PCDH15: variants seen among roughly 807,000 people sequenced by gnomAD.
PCDH15 encodes the protein protocadherin-15.
A neutral mutation model predicts 178.5 loss-of-function variants in PCDH15; 129 were observed. That is an observed-to-expected ratio of 0.72 (90% CI 0.63 to 0.84). The LOEUF is 0.84. Among genes scored for constraint, PCDH15 ranks in the 40% least tolerant of loss-of-function variants. PCDH15 has a pLI of 0.00. For missense variants in PCDH15, 2,230 were observed against 2,099.9 expected (o/e 1.06, Z -1.21); for synonymous variants, 800 against 732.0 (o/e 1.09, Z -1.50).
chr10:55,595,859 A>C lies in PCDH15; in HGVS notation c.-156+31766T>G, dbSNP rs183785567. 3.8e-3 allele frequency among the ~76,000 whole-genome samples: 578 copies of C among 152,244 alleles called. 2 individuals are homozygous for C. The highest frequency in any genetic ancestry group is 0.014 in the Middle Eastern group (4 of 294). The stretch of plus-strand genomic sequence containing the variant: ...AAAAATCTCTAAAATAATTTTAGAA[A>C]TACCATTCTTCTATGAAATAAGTAA... On this transcript the variant is annotated intron_variant, in intron 2 of 5. Coordinates refer to the PCDH15 transcript ENST00000613346.
chr10:53,897,260 T>C (rs2593122), intron 26 of PCDH15, among the ~76,000 whole-genome samples: 112,704 of 152,030 alleles, frequency 0.74, 42,249 homozygotes, highest in East Asian at 1. Flanking sequence ...CACTCCCATA[T>C]TGTTGCAACT....
At chr10:55,010,818 T>G (rs2131942576) in intron 2 of PCDH15, among the ~76,000 whole-genome samples, 1 of 152,288 alleles carries the variant, frequency 6.6e-6, no homozygotes, top group East Asian at 1.9e-4. Flanking sequence ...AAGGTATTTA[T>G]ATCACAATCC....
intron 2 of PCDH15, among the ~76,000 whole-genome samples, chr10:54,573,451 A>T (rs1261649843): frequency 6.6e-6 from 1 of 152,200 alleles, no homozygotes; most frequent in Non-Finnish European, 1.5e-5. Context: ...AATGAAAATG[A>T]AACCAGCATT....
chr10:55,551,976 C>T (rs1207911632), intron 2 of PCDH15, among the ~76,000 whole-genome samples: 6 of 151,220 alleles, frequency 4.0e-5, no homozygotes, highest in Non-Finnish European at 1.5e-5. Flanking sequence ...GAAGGTTTTC[C>T]GTATTTAAAT....
At chr10:55,564,957 A>C (rs1307385631) in intron 2 of PCDH15, among the ~76,000 whole-genome samples, 1 of 151,718 alleles carries the variant, frequency 6.6e-6, no homozygotes, top group Non-Finnish European at 1.5e-5. Context: ...AGATAAGTAA[A>C]GAAATAAATA....
chr10:55,306,616 A>G (rs531808513), intron 1 of PCDH15, among the ~76,000 whole-genome samples: 1 of 152,342 alleles, frequency 6.6e-6, no homozygotes, highest in East Asian at 1.9e-4. Flanking sequence ...AGTGTAAAAG[A>G]AGTTACCATT....
At position 54,752,539 on chromosome 10, in the gene PCDH15, C is replaced by A. The variant is rs1309079642; in HGVS notation, c.-29+48386G>T. 5.4e-4 allele frequency among the ~76,000 whole-genome samples: 70 copies of A among 128,810 alleles called. 1 individual carries two copies. Among genetic ancestry groups the A allele is most frequent in the African/African-American group, 2.0e-3 (70 of 34,542 alleles). The allele number at this position is 128,810 out of a possible 152,430, so 84.5% of individuals were successfully genotyped here. A position where few individuals can be genotyped will look rare whatever the true frequency, so the allele number is the denominator to read the frequency against. Reference sequence around the variant, plus strand: ...AAACAAACAAACAAACAAAAAAAAACAATAAAACAATTTTCCTATATGTCA... The same window carrying A: ...AAACAAACAAACAAACAAAAAAAAAAAATAAAACAATTTTCCTATATGTCA... On this transcript the variant is annotated intron_variant, in intron 1 of 37. Coordinates refer to ENST00000644397, the MANE Select transcript of PCDH15 (RefSeq NM_001384140.1).
chr10:54,051,175 T>C (rs1007713787), intron 18 of PCDH15, among the ~76,000 whole-genome samples: 8 of 152,186 alleles, frequency 5.3e-5, no homozygotes, highest in African/African-American at 1.9e-4. Context: ...TACAGTACAT[T>C]GGTACCACAG....
intron 25 of PCDH15, among the ~76,000 whole-genome samples, chr10:53,923,878 G>A (rs1290366710): frequency 6.6e-6 from 1 of 152,138 alleles, no homozygotes; most frequent in Non-Finnish European, 1.5e-5. Flanking sequence ...TCACTAAATG[G>A]AAGAGTTTTT....
chr10:54,823,799 T>C (rs1191988896), intron 3 of PCDH15, among the ~76,000 whole-genome samples: 1 of 152,108 alleles, frequency 6.6e-6, no homozygotes, highest in East Asian at 1.9e-4. Context: ...AAATTGTTTA[T>C]GACTCAAAAA....
At chr10:55,509,990 C>T (rs977185729) in intron 2 of PCDH15, among the ~76,000 whole-genome samples, 9 of 151,900 alleles carry the variant, frequency 5.9e-5, no homozygotes, top group African/African-American at 2.2e-4. Flanking sequence ...AGGATTAGAA[C>T]TCGAGTCTCC....
chr10:54,527,669 T>G (rs1414050604), intron 3 of PCDH15, 143 bp downstream of exon 3: 1 of 512,138 alleles, frequency 2.0e-6, no homozygotes, highest in Non-Finnish European at 3.4e-6. Context: ...ACTGGCATAA[T>G]TTAAACCCAT....
intron 1 of PCDH15, among the ~76,000 whole-genome samples, chr10:55,272,436 A>T: frequency 6.7e-6 from 1 of 150,292 alleles, no homozygotes. Flanking sequence ...ATGGTGTCTC[A>T]TTCTGTCACC....
intron 1 of PCDH15, among the ~76,000 whole-genome samples, chr10:55,267,513 A>G (rs930721854): frequency 2.0e-5 from 3 of 152,172 alleles, no homozygotes; most frequent in African/African-American, 7.2e-5. Context: ...TCAACTTTTT[A>G]TTTCACATTA....
intron 1 of PCDH15, among the ~76,000 whole-genome samples, chr10:55,204,460 C>T (rs1240254077): frequency 6.6e-6 from 1 of 151,860 alleles, no homozygotes; most frequent in Non-Finnish European, 1.5e-5. Context: ...AGTGCTTATG[C>T]CATTACCATT....
intron 3 of PCDH15, among the ~76,000 whole-genome samples, chr10:54,503,225 A>ATATGTGTGTG (rs1555012019): frequency 6.0e-5 from 5 of 83,762 alleles, no homozygotes; most frequent in African/African-American, 1.9e-4. Flanking sequence ...ATACATATAT[A>ATATGTGTGTG]TGTGTGTGTG....
At chr10:54,087,720 C>T (rs569303001) in intron 16 of PCDH15, among the ~76,000 whole-genome samples, 2 of 152,282 alleles carry the variant, frequency 1.3e-5, no homozygotes, top group East Asian at 3.9e-4. Context: ...AAGGCCAGTT[C>T]TCCAAAGTGT....
intron 20 of PCDH15, among the ~76,000 whole-genome samples, chr10:54,013,164 T>C (rs1366126741): frequency 6.6e-6 from 1 of 151,886 alleles, no homozygotes; most frequent in Non-Finnish European, 1.5e-5. Context: ...AAGACAAAGA[T>C]GAGCCTTACA....
At chr10:54,094,860 G>C (rs2094671082) in intron 15 of PCDH15, among the ~76,000 whole-genome samples, 1 of 152,022 alleles carries the variant, frequency 6.6e-6, no homozygotes, top group Non-Finnish European at 1.5e-5. Context: ...ATCTGACTTA[G>C]AGTCCCTGAT....
Sources: gnomAD v4.1 joint callset for allele counts (sites outside exome capture counted in the v4.1 genomes callset) on GRCh38, gnomAD v4.1.1 for gene constraint, MANE v1.5 for transcripts, NCBI Gene and HGNC (gene_info 2026-07-23, HGNC 2026-07-21) for gene names.